The following CDH18 variants were observed in gnomAD, a reference collection of about 807,000 sequenced individuals.
The protein encoded by CDH18 is cadherin 18.
Under a neutral mutation model 67.9 loss-of-function variants are expected in CDH18, and 31 were observed. The ratio of observed to expected loss-of-function variants is 0.46; its 90% CI spans 0.34 to 0.62. CDH18 has a LOEUF of 0.62. Among genes scored for constraint, CDH18 ranks in the 20% least tolerant of loss-of-function variants. The probability of loss-of-function intolerance (pLI) is 0.01; values close to 1 mark genes in which losing one functional copy is unlikely to be tolerated. For missense variants in CDH18, 890 were observed against 975.5 expected (o/e 0.91, Z 1.17); for synonymous variants, 362 against 347.2 (o/e 1.04, Z -0.48).
chr5:20,488,256 T>G (rs888235709), intron 1 of CDH18, among the ~76,000 whole-genome samples: 1 of 152,192 alleles, frequency 6.6e-6, no homozygotes, highest in Admixed American at 6.6e-5. Flanking sequence ...CCTGTAATTG[T>G]ATTTCACCTA....
intron 9 of CDH18, among the ~76,000 whole-genome samples, chr5:19,525,035 G>A (rs1747538565): frequency 6.6e-6 from 1 of 152,082 alleles, no homozygotes; most frequent in Non-Finnish European, 1.5e-5. Flanking sequence ...GTGAGCCACC[G>A]CGCCTGGCCA....
chr5:19,921,943 C>A, intron 2 of CDH18, among the ~76,000 whole-genome samples: 1 of 151,524 alleles, frequency 6.6e-6, no homozygotes, highest in Non-Finnish European at 1.5e-5. Flanking sequence ...GATTCTAAAT[C>A]GAAAACCTTT....
intron 3 of CDH18, among the ~76,000 whole-genome samples, chr5:19,806,474 C>T (rs1194621109): frequency 6.6e-6 from 1 of 152,152 alleles, no homozygotes; most frequent in Non-Finnish European, 1.5e-5. Context: ...TTGTCTTGTT[C>T]TTCCGCCTTA....
At chr5:20,335,627 A>G (rs760523642) in intron 1 of CDH18, among the ~76,000 whole-genome samples, 1 of 152,186 alleles carries the variant, frequency 6.6e-6, no homozygotes, top group Non-Finnish European at 1.5e-5. Flanking sequence ...AAATATGCAT[A>G]CTTCAACTTA....
At chr5:19,500,994 G>A (rs984257896) in intron 11 of CDH18, among the ~76,000 whole-genome samples, 8 of 151,108 alleles carry the variant, frequency 5.3e-5, no homozygotes, top group South Asian at 2.1e-4. Context: ...ATTGCCAGGC[G>A]TGGTGGTGGG....
At chr5:20,077,247 GT>G (rs1282389832) in intron 2 of CDH18, among the ~76,000 whole-genome samples, 19 of 152,176 alleles carry the variant, frequency 1.2e-4, no homozygotes, top group Non-Finnish European at 2.8e-4. Context: ...CAATTCTTGA[GT>G]TTAAGGTTTG....
Position 20,420,625 on chromosome 5 carries a change from C to G in CDH18, c.-580+154837G>C, listed in dbSNP as rs1057118799. 6.6e-5 allele frequency among the ~76,000 whole-genome samples: 10 copies of G among 151,092 alleles called. 1 individual carries two copies. The highest frequency in any genetic ancestry group is 2.5e-4 in the African/African-American group (10 of 40,446). The stretch of plus-strand genomic sequence containing the variant: ...CTGGCAGTAATAAAGTTTCAAAAGA[C>G]ATAAATAAGGTCTTTTGTATTTTGC... On this transcript the variant is annotated intron_variant, in intron 1 of 14. Coordinates refer to the CDH18 transcript ENST00000507958.
intron 10 of CDH18, among the ~76,000 whole-genome samples, chr5:19,516,625 T>C (rs576695632): frequency 1.3e-5 from 2 of 152,282 alleles, no homozygotes; most frequent in South Asian, 4.1e-4. Context: ...GATTTTCTAG[T>C]TTATTTGCAA....
At chr5:20,259,846 G>A (rs576484936) in intron 1 of CDH18, among the ~76,000 whole-genome samples, 16 of 152,126 alleles carry the variant, frequency 1.1e-4, no homozygotes, top group African/African-American at 3.4e-4. Flanking sequence ...AGTAAAATGT[G>A]AGAGAAGAGA....
chr5:19,613,101 C>A (rs1396820624), intron 5 of CDH18, among the ~76,000 whole-genome samples: 1 of 152,140 alleles, frequency 6.6e-6, no homozygotes, highest in South Asian at 2.1e-4. Context: ...GCGGAGATCA[C>A]GCCACTGCAC....
intron 1 of CDH18, among the ~76,000 whole-genome samples, chr5:20,264,419 A>G (rs1036776911): frequency 6.6e-6 from 1 of 152,148 alleles, no homozygotes; most frequent in African/African-American, 2.4e-5. Context: ...GCCCAAAGTC[A>G]GATATGAATT....
chr5:19,791,173 A>G (rs1776311575), intron 3 of CDH18, among the ~76,000 whole-genome samples: 4 of 152,130 alleles, frequency 2.6e-5, no homozygotes, highest in South Asian at 2.1e-4. Flanking sequence ...TAAATCTTTC[A>G]GTCGGCACCA....
At chr5:19,617,318 T>A (rs1276215169) in intron 5 of CDH18, among the ~76,000 whole-genome samples, 1 of 152,192 alleles carries the variant, frequency 6.6e-6, no homozygotes, top group Non-Finnish European at 1.5e-5. Flanking sequence ...ATAGACATAG[T>A]CCAAGTAAGA....
Position 19,721,434 on chromosome 5 carries a change from C to A in CDH18, c.556G>T (p.Ala186Ser), listed in dbSNP as rs1329090734. The A allele has an allele frequency of 3.1e-6, 5 of 1,612,280 alleles. No homozygotes were observed. Among genetic ancestry groups the A allele is most frequent in the Non-Finnish European group, 4.2e-6 (5 of 1,178,622 alleles). Reference protein sequence around the residue: ...TSVLQVTATDADDPTYGNSAR... With the variant: ...TSVLQVTATDSDDPTYGNSAR... ...CTGTTTCCATAGGTAGGGTCATCTG[C>A]ATCAGTAGCTGTCACCTGTAGAACA... Residue 186 changes from alanine to serine, a missense_variant, in exon 5 of 13, where the codon GCA becomes TCA. By Grantham distance (99) the Ala-to-Ser change is moderately conservative. This residue lies in a region of CDH18 where 234 missense variants were observed against 307.4 expected (regional missense o/e 0.76). Transcript: ENST00000382275.
intron 5 of CDH18, among the ~76,000 whole-genome samples, chr5:19,691,546 A>T (rs1761892643): frequency 6.6e-6 from 1 of 151,936 alleles, no homozygotes; most frequent in African/African-American, 2.4e-5. Context: ...AATTTGCATG[A>T]TACAAACTCA....
intron 1 of CDH18, among the ~76,000 whole-genome samples, chr5:20,506,444 T>C (rs1754665429): frequency 6.6e-6 from 1 of 152,236 alleles, no homozygotes; most frequent in South Asian, 2.1e-4. Context: ...AAGTGGCCTT[T>C]AGAGCAGAAA....
chr5:20,300,831 A>G (rs1293713993), intron 1 of CDH18, among the ~76,000 whole-genome samples: 2 of 152,218 alleles, frequency 1.3e-5, no homozygotes, highest in Admixed American at 6.5e-5. Flanking sequence ...TGAACAAGTC[A>G]ACTTATTTTA....
chr5:20,243,611 A>T (rs936083282), intron 2 of CDH18, among the ~76,000 whole-genome samples: 1 of 152,082 alleles, frequency 6.6e-6, no homozygotes, highest in African/African-American at 2.4e-5. Context: ...TCCAAAATGT[A>T]TGTTTACATT....
At chr5:19,775,326 T>G (rs762374483) in intron 3 of CDH18, among the ~76,000 whole-genome samples, 24 of 152,130 alleles carry the variant, frequency 1.6e-4, no homozygotes, top group Non-Finnish European at 2.8e-4. Flanking sequence ...AAGAAATACC[T>G]GAGACGGGGT....
Sources: allele counts gnomAD v4.1 joint callset (sites outside exome capture counted in the v4.1 genomes callset), GRCh38; gene constraint gnomAD v4.1.1; regional missense constraint gnomAD v4.1.1; transcripts MANE v1.5; gene names NCBI Gene and HGNC (gene_info 2026-07-23, HGNC 2026-07-21).